Variants in ZNF324B observed in about 807,000 individuals in gnomAD.
The protein encoded by ZNF324B is zinc finger protein 324B.
Under a neutral mutation model 10.6 loss-of-function variants are expected in ZNF324B, and 7 were observed. The ratio of observed to expected loss-of-function variants is 0.66; its 90% CI spans 0.38 to 1.24. The LOEUF is 1.24. Among genes scored for constraint, ZNF324B ranks in the 50% most tolerant of loss-of-function variants. The pLI, the probability that ZNF324B is intolerant of heterozygous loss-of-function variation, is 0.02. For synonymous variants in ZNF324B, 316 were observed against 321.0 expected (o/e 0.98, Z 0.17); for missense variants, 640 against 764.7 (o/e 0.84, Z 1.92).
intron 1 of ZNF324B, chr19:58,452,802 G>T (rs528784624): frequency 4.1e-6 from 1 of 243,120 alleles, no homozygotes; most frequent in Non-Finnish European, 6.6e-6. Context: ...ACCGGCTGGG[G>T]TGCCTGAGGC....
At chr19:58,448,670 T>G (rs2052838009), upstream of ZNF324B, among the ~76,000 whole-genome samples, 1 of 152,088 alleles carries the variant, frequency 6.6e-6, no homozygotes, top group Non-Finnish European at 1.5e-5. Flanking sequence ...GAGCTTGCAG[T>G]GAGCCAAGAT....
chr19:58,422,074 C>T, the ZNF324B span, among the ~76,000 whole-genome samples: 3 of 152,078 alleles, frequency 2.0e-5, no homozygotes, highest in East Asian at 5.8e-4. Flanking sequence ...TGTGCCACCA[C>T]GCCTGGCTAA....
chr19:58,418,594 G>T, the ZNF324B span: 1 of 151,790 alleles, frequency 6.6e-6, no homozygotes, highest in African/African-American at 2.4e-5. Flanking sequence ...CTCCCAAAGT[G>T]CTGGGAGCCA....
rs1268104248 is a variant in ZNF324B, at chr19:58,456,106, G to A, written c.1162G>A (p.Glu388Lys). 3.7e-6 allele frequency: 6 copies of A among 1,613,080 alleles called. No homozygotes were observed. The highest frequency in any genetic ancestry group is 4.5e-5 in the East Asian group (2 of 44,858). ...CCGCAACTCGCACCTGATCCAGCAC[G>A]AGCGTACGCACACAGGCGAGAAGCC... ...FCRNSHLIQHERTHTGEKPFV... is the reference protein window; with the variant it reads ...FCRNSHLIQHKRTHTGEKPFV... Residue 388 changes from glutamate (E) to lysine (K), a missense_variant, in exon 4 of 4, where the codon GAG (glutamate) becomes AAG (lysine). Glu to Lys is a moderately conservative substitution (Grantham distance 56). Around this residue, in one of 3 missense-constraint regions of ZNF324B, gnomAD observed 238 missense variants for 258.0 expected, o/e 0.92. Coordinates refer to ENST00000336614, the MANE Select transcript of ZNF324B (RefSeq NM_207395.3). This position sits in a 1 kb window ranked among gnomAD's most constrained non-coding sequence, Gnocchi z 4.7.
the ZNF324B span, among the ~76,000 whole-genome samples, chr19:58,438,641 T>C: frequency 6.6e-6 from 1 of 151,916 alleles, no homozygotes; most frequent in East Asian, 1.9e-4. Flanking sequence ...GCCTGACTAA[T>C]TTTTTGTATT....
In ZNF324B at chr19:58,455,247, C is replaced by A. The variant is rs1265984172; in HGVS notation, c.303C>A (p.Thr101=). The change falls in exon 4 of 4, where the codon ACC becomes ACA. Residue 101 remains threonine, a synonymous_variant. Transcript: ENST00000336614. The surrounding 1 kb of genome is among the most constrained non-coding windows in gnomAD (Gnocchi z 7.0). ...SGEWPRAFPD[T]PPGMTTSVFP... ...AATGGCCACGAGCTTTCCCAGATAC[C>A]CCACCTGGGATGACTACTAGCGTCT... 4 of 1,614,066 alleles carry A rather than the reference C, an allele frequency of 2.5e-6. No homozygotes were observed. Among genetic ancestry groups the A allele is most frequent in the Non-Finnish European group, 3.4e-6 (4 of 1,180,034 alleles).
chr19:58,455,561 C>A lies in ZNF324B; in HGVS notation c.617C>A (p.Ala206Asp), dbSNP rs1844911846. 1 of 1,614,114 alleles carries A rather than the reference C, an allele frequency of 6.2e-7. No homozygotes were observed. Among genetic ancestry groups the A allele is most frequent in the Non-Finnish European group, 8.5e-7 (1 of 1,180,026 alleles). The change falls in exon 4 of 4, where the codon GCC becomes GAC. Residue 206 changes from alanine to aspartate, a missense_variant. Around this residue, in one of 3 missense-constraint regions of ZNF324B, gnomAD observed 345 missense variants for 387.9 expected, o/e 0.89. Coordinates refer to ENST00000336614, the MANE Select transcript of ZNF324B (RefSeq NM_207395.3). The surrounding 1 kb of genome is among the most constrained non-coding windows in gnomAD (Gnocchi z 7.0). ...KPCAQEVPGRAFGNASDLKAA... is the reference protein window; with the variant it reads ...KPCAQEVPGRDFGNASDLKAA... Reference sequence around the variant, plus strand: ...TGTGCACAGGAGGTCCCTGGGAGAGCCTTCGGGAATGCCTCGGACCTGAAG... The same window carrying A: ...TGTGCACAGGAGGTCCCTGGGAGAGACTTCGGGAATGCCTCGGACCTGAAG...
chr19:58,446,018 C>T, the ZNF324B span, among the ~76,000 whole-genome samples: 1 of 152,104 alleles, frequency 6.6e-6, no homozygotes, highest in Admixed American at 6.5e-5. Flanking sequence ...ACCTGTAATC[C>T]CAGTTACTCA....
chr19:58,419,196 T>G, the ZNF324B span: 1 of 152,220 alleles, frequency 6.6e-6, no homozygotes, highest in Non-Finnish European at 1.5e-5. Flanking sequence ...AGAGATCTTC[T>G]ATATGTTTAT....
the ZNF324B span, chr19:58,439,949 G>A: frequency 2.1e-6 from 2 of 963,524 alleles, no homozygotes; most frequent in Non-Finnish European, 1.5e-6. Context: ...CCGCAGGGAC[G>A]AAGGCTGGGT....
At chr19:58,452,926 G>A (rs1406543631) in intron 1 of ZNF324B, 1 of 151,918 alleles carries the variant, frequency 6.6e-6, no homozygotes, top group Non-Finnish European at 1.5e-5. Flanking sequence ...GTGAAACCCG[G>A]TCTCTACTAA....
At chr19:58,429,147 A>C in the ZNF324B span, 1 of 152,164 alleles carries the variant, frequency 6.6e-6, no homozygotes. Flanking sequence ...CTTCCTGCCC[A>C]TGCGGCTGTT....
chr19:58,433,742 CTTTT>C, the ZNF324B span: 2 of 1,614,020 alleles, frequency 1.2e-6, no homozygotes, highest in South Asian at 2.2e-5. Flanking sequence ...TAAGGCCTTT[CTTTT>C]GTGTGAACTC....
the ZNF324B span, chr19:58,439,952 G>A: frequency 1.1e-6 from 1 of 914,282 alleles, no homozygotes; most frequent in Non-Finnish European, 1.6e-6. Context: ...CAGGGACGAA[G>A]GCTGGGTATG....
intron 3 of ZNF324B, chr19:58,454,628 C>T (rs768380332): frequency 4.3e-5 from 24 of 560,664 alleles, no homozygotes; most frequent in South Asian, 5.2e-5. Flanking sequence ...GTATTTATTT[C>T]GCCCATCATT....
the ZNF324B span, among the ~76,000 whole-genome samples, chr19:58,436,510 CA>C: frequency 6.6e-6 from 1 of 150,796 alleles, no homozygotes; most frequent in South Asian, 2.1e-4. Context: ...ACTGAAAATA[CA>C]AAAAAAATTA....
Position 58,456,537 on chromosome 19 carries a change from G to T in ZNF324B, c.1593G>T (p.Arg531=). ...FLQGHHRKVR[R]GGKPSPVLKP... is the part of the protein sequence containing the mutation. ...AGGGACATCATCGGAAGGTGCGCCGGGGAGGGAAGCCAAGCCCAGTCCTGA... is the reference window on the plus strand; with the variant it reads ...AGGGACATCATCGGAAGGTGCGCCGTGGAGGGAAGCCAAGCCCAGTCCTGA... Residue 531 remains arginine (R), a synonymous_variant, in exon 4 of 4, where the codon CGG becomes CGT. Coordinates refer to ENST00000336614, the MANE Select transcript of ZNF324B (RefSeq NM_207395.3). The surrounding 1 kb of genome is among the most constrained non-coding windows in gnomAD (Gnocchi z 4.7). The T allele has an allele frequency of 6.2e-7, 1 of 1,614,180 alleles. No individual in the cohort carries two copies. The highest frequency in any genetic ancestry group is 8.5e-7 in the Non-Finnish European group (1 of 1,180,024).
chr19:58,425,247 C>T, the ZNF324B span, among the ~76,000 whole-genome samples: 1 of 148,798 alleles, frequency 6.7e-6, no homozygotes, highest in Non-Finnish European at 1.5e-5. Flanking sequence ...CAGAGCCAGA[C>T]TCCATCTCAA....
At chr19:58,419,274 G>A in the ZNF324B span, 1 of 152,194 alleles carries the variant, frequency 6.6e-6, no homozygotes, top group Non-Finnish European at 1.5e-5. Context: ...GTCAGAAGGA[G>A]CTGTTTCCAG....
Sources: allele counts gnomAD v4.1 joint callset (sites outside exome capture counted in the v4.1 genomes callset), GRCh38; gene constraint gnomAD v4.1.1; regional missense constraint gnomAD v4.1.1; non-coding constraint Gnocchi (gnomAD v3.1); transcripts MANE v1.5; gene names NCBI Gene and HGNC (gene_info 2026-07-23, HGNC 2026-07-21).